PTPRR: variants seen among roughly 807,000 people sequenced by gnomAD.
PTPRR encodes the protein protein tyrosine phosphatase receptor type R.
Under a neutral mutation model 77.2 loss-of-function variants are expected in PTPRR, and 38 were observed. The ratio of observed to expected loss-of-function variants is 0.49; its 90% CI spans 0.38 to 0.65. The LOEUF (loss-of-function observed/expected upper bound fraction) is 0.65. Among genes scored for constraint, PTPRR ranks in the 30% least tolerant of loss-of-function variants. PTPRR has a pLI of 0.00. For synonymous variants in PTPRR, 299 were observed against 283.1 expected (o/e 1.06, Z -0.57); for missense variants, 744 against 799.2 (o/e 0.93, Z 0.83).
chr12:70,918,355 T>C (rs1357844395), intron 1 of PTPRR, among the ~76,000 whole-genome samples: 2 of 152,258 alleles, frequency 1.3e-5, no homozygotes, highest in Non-Finnish European at 2.9e-5. Context: ...CAATGAATAG[T>C]ATCTTGCAAT....
Position 70,773,213 on chromosome 12 carries a change from T to C in PTPRR, c.358-8435A>G, listed in dbSNP as rs536990639. Among the ~76,000 whole-genome samples, 5 of 152,246 alleles carry C rather than the reference T, an allele frequency of 3.3e-5. No individual in the cohort carries two copies. The East Asian group carries it at 9.7e-4, about 29-fold the overall frequency. ...CTCCAATAAGACCTCTTGTTAACTT[T>C]TGTTACACCTACAACAACCTTATTT... On this transcript the variant is annotated intron_variant, in intron 2 of 13. Coordinates refer to ENST00000283228, the MANE Select transcript of PTPRR (RefSeq NM_002849.4).
intron 2 of PTPRR, among the ~76,000 whole-genome samples, chr12:70,796,168 C>G (rs2137014861): frequency 6.6e-6 from 1 of 152,072 alleles, no homozygotes; most frequent in South Asian, 2.1e-4. Context: ...AGGTGATCCA[C>G]CTGCCTTGGC....
chr12:70,830,311 C>T (rs1278479938), intron 2 of PTPRR, among the ~76,000 whole-genome samples: 1 of 152,164 alleles, frequency 6.6e-6, no homozygotes, highest in East Asian at 1.9e-4. Context: ...CTCACTCACG[C>T]ACTCCATGTC....
intron 2 of PTPRR, among the ~76,000 whole-genome samples, chr12:70,889,566 A>G (rs1007245749): frequency 6.6e-6 from 1 of 152,148 alleles, no homozygotes; most frequent in Non-Finnish European, 1.5e-5. Flanking sequence ...ATGTCTGTCT[A>G]TATGTTGATC....
intron 1 of PTPRR, among the ~76,000 whole-genome samples, chr12:70,898,452 T>C (rs2137123520): frequency 6.7e-6 from 1 of 149,904 alleles, no homozygotes; most frequent in Non-Finnish European, 1.5e-5. Flanking sequence ...TTTAGTCTTT[T>C]TTTAACTCCT....
At chr12:70,679,554 C>T (rs894492397) in intron 10 of PTPRR, among the ~76,000 whole-genome samples, 2 of 152,002 alleles carry the variant, frequency 1.3e-5, no homozygotes, top group Non-Finnish European at 2.9e-5. Context: ...AATAATTGCT[C>T]TTTATATTTG....
At chr12:70,834,057 C>T (rs1892261206) in intron 2 of PTPRR, among the ~76,000 whole-genome samples, 1 of 152,080 alleles carries the variant, frequency 6.6e-6, no homozygotes, top group Non-Finnish European at 1.5e-5. Flanking sequence ...GCCTCCTGGG[C>T]TTGGGCTACA....
At chr12:70,819,751 C>T (rs192983499) in intron 2 of PTPRR, among the ~76,000 whole-genome samples, 4 of 152,208 alleles carry the variant, frequency 2.6e-5, no homozygotes, top group Admixed American at 2.6e-4. Context: ...GGAGGATGGC[C>T]GAGAATACAC....
At chr12:70,697,581 T>G (rs1295473592) in intron 8 of PTPRR, among the ~76,000 whole-genome samples, 2 of 152,208 alleles carry the variant, frequency 1.3e-5, no homozygotes, top group East Asian at 1.9e-4. Context: ...GTTCAATTTT[T>G]TTTTGCTGCT....
chr12:70,704,847 G>A (rs187471478), intron 6 of PTPRR, among the ~76,000 whole-genome samples: 28 of 152,154 alleles, frequency 1.8e-4, no homozygotes, highest in African/African-American at 6.0e-4. Context: ...GCAAGAAAAC[G>A]AACTCTACTG....
At chr12:70,905,729 G>GTATA (rs1893611605) in intron 1 of PTPRR, among the ~76,000 whole-genome samples, 1 of 151,904 alleles carries the variant, frequency 6.6e-6, no homozygotes, top group Admixed American at 6.6e-5. Context: ...GAATGGCCTT[G>GTATA]TATACACTCT....
intron 2 of PTPRR, among the ~76,000 whole-genome samples, chr12:70,866,831 A>C (rs1892860059): frequency 6.6e-6 from 1 of 152,098 alleles, no homozygotes; most frequent in Non-Finnish European, 1.5e-5. Context: ...AAGCTTATCC[A>C]CCATGATCAA....
At chr12:70,817,135 T>C (rs1486116406) in intron 2 of PTPRR, among the ~76,000 whole-genome samples, 2 of 152,162 alleles carry the variant, frequency 1.3e-5, no homozygotes, top group Non-Finnish European at 2.9e-5. Context: ...AGAAGACACT[T>C]TAAGGTCACT....
Position 70,766,473 on chromosome 12 carries a change from A to G in PTPRR, c.358-1695T>C, listed in dbSNP as rs538076575. 2.1e-3 allele frequency among the ~76,000 whole-genome samples: 325 copies of G among 152,274 alleles called. 2 individuals are homozygous for G. The highest frequency in any genetic ancestry group is 7.5e-3 in the African/African-American group (313 of 41,542). The stretch of plus-strand genomic sequence containing the variant: ...AAGGGAAGTTTAGAGAAAAAAGAAT[A>G]AAAAGAAGTGAACAAAGCCTCCAAG... On this transcript the variant is annotated intron_variant, in intron 2 of 13. Transcript: ENST00000283228.
At chr12:70,795,824 T>A (rs544992291) in intron 2 of PTPRR, among the ~76,000 whole-genome samples, 79 of 151,912 alleles carry the variant, frequency 5.2e-4, no homozygotes, top group Admixed American at 8.5e-4. Context: ...TACTGCTCAC[T>A]GTCATGTGTT....
At chr12:70,649,652 C>T (rs1489231250) in intron 13 of PTPRR, among the ~76,000 whole-genome samples, 2 of 152,056 alleles carry the variant, frequency 1.3e-5, no homozygotes, top group African/African-American at 4.8e-5. Flanking sequence ...GTCGGCTCAC[C>T]ACAACTCTGC....
At chr12:70,801,080 TTAAA>T (rs1166564142) in intron 2 of PTPRR, among the ~76,000 whole-genome samples, 1 of 152,056 alleles carries the variant, frequency 6.6e-6, no homozygotes, top group Non-Finnish European at 1.5e-5. Flanking sequence ...AGAATGAGAG[TTAAA>T]TAGAGTAAAA....
Position 70,769,556 on chromosome 12 carries a change from A to T in PTPRR, c.358-4778T>A, listed in dbSNP as rs571577648. Among the ~76,000 whole-genome samples, 5 of 152,330 alleles carry T rather than the reference A, an allele frequency of 3.3e-5. No homozygotes were observed. In the East Asian group the frequency reaches 7.7e-4, roughly 23 times the overall value. ...ACATTCCATGCTCATGGGTAGGAAGAATCAATATCATGAAAATGGCCAACT... is the reference window on the plus strand; with the variant it reads ...ACATTCCATGCTCATGGGTAGGAAGTATCAATATCATGAAAATGGCCAACT... On this transcript the variant is annotated intron_variant, in intron 2 of 13. Transcript: ENST00000283228.
chr12:70,810,543 T>A lies in PTPRR; in HGVS notation c.358-45765A>T, dbSNP rs183210040. On this transcript the variant is annotated intron_variant, in intron 2 of 13. Transcript: ENST00000283228. The stretch of plus-strand genomic sequence containing the variant: ...TTATTTGATTATCAGTTTTAAAAGA[T>A]CACTTTCTTGAATACTGAATTAATG... 4.2e-3 allele frequency among the ~76,000 whole-genome samples: 636 copies of A among 152,260 alleles called. 5 individuals are homozygous for A. Among genetic ancestry groups the A allele is most frequent in the Non-Finnish European group, 5.9e-3 (404 of 68,004 alleles).
Sources: gnomAD v4.1 joint callset for allele counts (sites outside exome capture counted in the v4.1 genomes callset) on GRCh38, gnomAD v4.1.1 for gene constraint, MANE v1.5 for transcripts, NCBI Gene and HGNC (gene_info 2026-07-23, HGNC 2026-07-21) for gene names.